The following TMEM62 variants were observed in gnomAD, a reference collection of about 807,000 sequenced individuals.
The protein encoded by TMEM62 is transmembrane protein 62.
A neutral mutation model predicts 70.4 loss-of-function variants in TMEM62; 41 were observed. The observed-to-expected ratio is 0.58, with a 90% CI of 0.45 to 0.76. The LOEUF (loss-of-function observed/expected upper bound fraction) is 0.76, where lower values mean the gene tolerates loss of function less well. Ranked by LOEUF, TMEM62 falls within the 30% of genes least tolerant of loss-of-function variation. The probability of loss-of-function intolerance (pLI) is 0.00; values close to 1 mark genes in which losing one functional copy is unlikely to be tolerated. For missense variants in TMEM62, 688 were observed against 788.5 expected (o/e 0.87, Z 1.53); for synonymous variants, 268 against 291.0 (o/e 0.92, Z 0.80).
intron 8 of TMEM62, among the ~76,000 whole-genome samples, 174 bp downstream of exon 8, chr15:43,152,119 A>G (rs1205090405): frequency 6.6e-6 from 1 of 152,210 alleles, no homozygotes; most frequent in African/African-American, 2.4e-5. Context: ...GTTAAAAAGC[A>G]TATCATTTTT....
In TMEM62 at chr15:43,146,494, A is replaced by G. The variant is rs1257646412; in HGVS notation, c.478A>G (p.Lys160Glu). 6.9e-6 allele frequency: 11 copies of G among 1,603,538 alleles called. No individual in the cohort carries two copies. The highest frequency in any genetic ancestry group is 9.3e-6 in the Non-Finnish European group (11 of 1,176,774). The change falls in exon 5 of 14, where the codon AAA (lysine) becomes GAA (glutamate). Residue 160 changes from lysine (K) to glutamate (E), a missense_variant and splice_region_variant. Transcript: ENST00000260403. ...ACCCTCCTGTCTTCTATTTTTTAGGAAATATTCTGCTGTACGTAGAGATGG... is the reference window on the plus strand; with the variant it reads ...ACCCTCCTGTCTTCTATTTTTTAGGGAATATTCTGCTGTACGTAGAGATGG... ...SLDSIKNYYR[K>E]YSAVRRDGSF...
Position 43,148,799 on chromosome 15 carries a change from G to A in TMEM62, c.663G>A (p.Arg221=). 6.2e-7 allele frequency: 1 copy of A among 1,614,056 alleles called. No individual in the cohort carries two copies. The highest frequency in any genetic ancestry group is 1.1e-5 in the South Asian group (1 of 91,062). Residue 221 remains arginine (R), a synonymous_variant, in exon 6 of 14, where the codon CGG becomes CGA. Coordinates refer to ENST00000260403, the MANE Select transcript of TMEM62 (RefSeq NM_024956.4). Reference sequence around the variant, plus strand: ...TATTACTGGCCAAGGAAAGCAGTCGGAGCAACCATACAATTTGGTTTGGAC... The same window carrying A: ...TATTACTGGCCAAGGAAAGCAGTCGAAGCAACCATACAATTTGGTTTGGAC... ...ELLLLAKESS[R]SNHTIWFGHF...
chr15:43,173,534 C>A (rs186360247), intron 11 of TMEM62, among the ~76,000 whole-genome samples: 1 of 152,160 alleles, frequency 6.6e-6, no homozygotes, highest in Non-Finnish European at 1.5e-5. Flanking sequence ...GTATTTTAGC[C>A]TAGATACTTT....
At chr15:43,147,926 A>G (rs2036876995) in intron 5 of TMEM62, among the ~76,000 whole-genome samples, 1 of 152,198 alleles carries the variant, frequency 6.6e-6, no homozygotes, top group African/African-American at 2.4e-5. Context: ...ATATAATATT[A>G]ATGCATATTT....
intron 7 of TMEM62, among the ~76,000 whole-genome samples, chr15:43,150,813 G>GCC (rs1283029020): frequency 6.6e-6 from 1 of 152,196 alleles, no homozygotes; most frequent in African/African-American, 2.4e-5. Context: ...TCTCTTCACA[G>GCC]CCCATTGGCC....
At chr15:43,137,751 A>G (rs2035428151) in intron 3 of TMEM62, among the ~76,000 whole-genome samples, 1 of 152,240 alleles carries the variant, frequency 6.6e-6, no homozygotes, top group African/African-American at 2.4e-5. Flanking sequence ...GTCATACCAG[A>G]GTCCCACCTT....
chr15:43,151,639 A>G (rs1478317395), intron 7 of TMEM62, 151 bp from the exon 8 acceptor site: 3 of 674,200 alleles, frequency 4.4e-6, no homozygotes, highest in Non-Finnish European at 7.2e-6. Flanking sequence ...GGGGTAAGGG[A>G]AGAAAGAAAG....
At chr15:43,175,798 G>T (rs1158997165) in intron 11 of TMEM62, among the ~76,000 whole-genome samples, 1 of 152,192 alleles carries the variant, frequency 6.6e-6, no homozygotes, top group Non-Finnish European at 1.5e-5. Flanking sequence ...GAGGTACCAG[G>T]TTCATCTCAC....
At chr15:43,156,035 AACAC>A (rs201926090) in intron 9 of TMEM62, among the ~76,000 whole-genome samples, 28 of 149,780 alleles carry the variant, frequency 1.9e-4, no homozygotes, top group African/African-American at 5.9e-4. Flanking sequence ...TAGTTTCTTA[AACAC>A]ACACACACAC....
Position 43,184,879 on chromosome 15 carries a change from T to C in TMEM62, c.*293T>C, listed in dbSNP as rs1450902157. 14 of 452,050 alleles carry C rather than the reference T, an allele frequency of 3.1e-5. No individual in the cohort carries two copies. The highest frequency in any genetic ancestry group is 4.8e-5 in the Non-Finnish European group (12 of 250,388). 28.0% of individuals were successfully genotyped at this position (452,050 alleles called of 1,614,324 possible). A position where few individuals can be genotyped will look rare whatever the true frequency, so the allele number is the denominator to read the frequency against. On this transcript the variant is annotated 3_prime_UTR_variant, in exon 14 of 14. Transcript: ENST00000260403. The stretch of plus-strand genomic sequence containing the variant: ...ATCTAGGACATCCACAGGGTAGAGG[T>C]TGGGTGTGTGTACGGGAGTGTCTGA...
intron 12 of TMEM62, chr15:43,180,914 G>T (rs1301259563): frequency 3.6e-6 from 1 of 275,370 alleles, no homozygotes; most frequent in Non-Finnish European, 6.8e-6. Flanking sequence ...ATGTGAGTGT[G>T]CTTTTTTTGT....
chr15:43,179,012 T>C (rs1003765534), intron 12 of TMEM62, among the ~76,000 whole-genome samples: 9 of 152,236 alleles, frequency 5.9e-5, no homozygotes, highest in African/African-American at 2.2e-4. Flanking sequence ...CTTAAAGTTT[T>C]AGTCTATATC....
In TMEM62 at chr15:43,153,684, GTGTA is replaced by G. The variant is rs953302979; in HGVS notation, c.1023-986_1023-983del. The stretch of plus-strand genomic sequence containing the variant: ...TGTGTGTGTGTGTGTGTGTGTGTGT[GTGTA>G]TATACACACATATGTATACACACAT... On this transcript the variant is annotated intron_variant, in intron 8 of 13. Transcript: ENST00000260403. Among the ~76,000 whole-genome samples the G allele has an allele frequency of 1.4e-3, 195 of 139,244 alleles. 1 individual carries two copies. The highest frequency in any genetic ancestry group is 4.7e-3 in the African/African-American group (188 of 40,360). The allele number at this position is 139,244 out of a possible 152,430, so 91.3% of individuals were successfully genotyped here.
At chr15:43,155,791 C>T (rs1432882161) in intron 9 of TMEM62, among the ~76,000 whole-genome samples, 1 of 152,142 alleles carries the variant, frequency 6.6e-6, no homozygotes, top group Non-Finnish European at 1.5e-5. Context: ...AATTGTAGGA[C>T]AATTGTGTCA....
At position 43,169,657 on chromosome 15, in the gene TMEM62, G is replaced by C; in HGVS notation, c.1361G>C (p.Arg454Pro). Reference protein sequence around the residue: ...QLTILIIFRYRGYPELKEPSG... With the variant: ...QLTILIIFRYPGYPELKEPSG... ...ACCATTCTCATTATTTTTAGATATC[G>C]AGGATACCCAGAGCTTAAAGGTTAG... Residue 454 changes from arginine to proline, a missense_variant, in exon 11 of 14, where the codon CGA (arginine) becomes CCA (proline). Coordinates refer to ENST00000260403, the MANE Select transcript of TMEM62 (RefSeq NM_024956.4). The C allele has an allele frequency of 6.2e-7, 1 of 1,613,942 alleles. No individual in the cohort carries two copies. The highest frequency in any genetic ancestry group is 8.5e-7 in the Non-Finnish European group (1 of 1,179,946).
rs1350681090 is a variant in TMEM62 at position 43,184,309 on chromosome 15, T to C, written c.1655T>C (p.Leu552Pro). The change falls in exon 14 of 14, where the codon CTG becomes CCG. Residue 552 changes from leucine to proline, a missense_variant. Leu to Pro is a moderately conservative substitution (Grantham distance 98). Coordinates refer to ENST00000260403, the MANE Select transcript of TMEM62 (RefSeq NM_024956.4). Reference sequence around the variant, plus strand: ...ATGGCTTACATGTGTTGGAGCTTGCTGCAGCGGTGCTTTGGTCACAACTTC... The same window carrying C: ...ATGGCTTACATGTGTTGGAGCTTGCCGCAGCGGTGCTTTGGTCACAACTTC... Reference protein sequence around the residue: ...PLMAYMCWSLLQRCFGHNFRS... With the variant: ...PLMAYMCWSLPQRCFGHNFRS... 1.2e-6 allele frequency: 2 copies of C among 1,614,238 alleles called. No individual in the cohort carries two copies. Among genetic ancestry groups the C allele is most frequent in the Non-Finnish European group, 1.7e-6 (2 of 1,180,034 alleles).
rs528017421 is a variant in TMEM62, at chr15:43,171,701, C to T, written c.1381+2024C>T. ...GGAGTGCAGTGGCGCAATCTCAGCT[C>T]ACTGCAAGCTCTGCCTCCTGGGTTC... is the stretch of plus-strand genomic sequence containing the variant. On this transcript the variant is annotated intron_variant, in intron 11 of 13. Coordinates refer to ENST00000260403, the MANE Select transcript of TMEM62 (RefSeq NM_024956.4). Among the ~76,000 whole-genome samples the T allele has an allele frequency of 1.6e-3, 243 of 148,164 alleles. 1 individual carries two copies. The highest frequency in any genetic ancestry group is 5.8e-3 in the African/African-American group (231 of 40,130).
At chr15:43,181,456 T>C (rs896488004) in intron 13 of TMEM62, among the ~76,000 whole-genome samples, 157 bp downstream of exon 13, 3 of 152,230 alleles carry the variant, frequency 2.0e-5, no homozygotes, top group African/African-American at 4.8e-5. Flanking sequence ...CATTTGCTTT[T>C]AAAGTGCTTC....
At position 43,178,664 on chromosome 15, in the gene TMEM62, A is replaced by T. The variant is rs1396675789; in HGVS notation, c.1439A>T (p.Asn480Ile). The T allele has an allele frequency of 1.9e-6, 3 of 1,613,118 alleles. No individual in the cohort carries two copies. The East Asian group carries it at 6.7e-5, about 36-fold the overall frequency. Residue 480 changes from asparagine (N) to isoleucine (I), a missense_variant, in exon 12 of 14, where the codon AAC becomes ATC. Asn to Ile is a moderately radical substitution (Grantham distance 149, BLOSUM62 -3). Coordinates refer to ENST00000260403, the MANE Select transcript of TMEM62 (RefSeq NM_024956.4). ...TCTCTTCATGTCTTGAGCAAAATAA[A>T]CATCTTCTACTATTCTGTGTTGTTG... Reference protein sequence around the residue: ...SFSLHVLSKINIFYYSVLLLT... With the variant: ...SFSLHVLSKIIIFYYSVLLLT...
Sources: allele counts gnomAD v4.1 joint callset (sites outside exome capture counted in the v4.1 genomes callset), GRCh38; gene constraint gnomAD v4.1.1; transcripts MANE v1.5; gene names NCBI Gene and HGNC (gene_info 2026-07-23, HGNC 2026-07-21).